The following SDHA variants were observed in gnomAD, a reference collection of about 807,000 sequenced individuals.
The protein encoded by SDHA is succinate dehydrogenase complex flavoprotein subunit A, also known as succinate dehydrogenase [ubiquinone] flavoprotein subunit, mitochondrial.
SDHA carries 48 observed loss-of-function variants against 78.4 expected under a neutral mutation model. The observed-to-expected ratio is 0.61, with a 90% confidence interval of 0.49 to 0.78. The LOEUF (loss-of-function observed/expected upper bound fraction) is 0.78. Among genes scored for constraint, SDHA ranks in the 30% least tolerant of loss-of-function variants. The pLI is 0.00. For missense variants in SDHA, 680 were observed against 892.7 expected (o/e 0.76, Z 3.04); for synonymous variants, 326 against 353.9 (o/e 0.92, Z 0.88).
intron 2 of SDHA, 125 bp downstream of exon 2, chr5:223,693 A>G: frequency 1.4e-6 from 1 of 701,662 alleles, no homozygotes; most frequent in Non-Finnish European, 2.6e-6. Flanking sequence ...TATCCAATGC[A>G]TGCTGAAATT....
chr5:263,585 G>A, the SDHA span, among the ~76,000 whole-genome samples: 2 of 152,200 alleles, frequency 1.3e-5, no homozygotes, highest in Non-Finnish European at 2.9e-5. Context: ...TGGGTAGAGT[G>A]TGTTCATTAT....
intron 1 of SDHA, among the ~76,000 whole-genome samples, chr5:222,729 C>T (rs1734790308): frequency 1.3e-5 from 2 of 152,198 alleles, no homozygotes; most frequent in Admixed American, 6.5e-5. Context: ...CCCTAAATGG[C>T]TGGCCAACCT....
chr5:228,388 A>C (rs753318329), intron 6 of SDHA, 55 bp downstream of exon 6: 1 of 1,521,854 alleles, frequency 6.6e-7, no homozygotes, highest in Non-Finnish European at 9.1e-7. Flanking sequence ...AATTTCATTT[A>C]GAGTTTCTTT....
At chr5:252,818 C>T (rs1373398549) in intron 13 of SDHA, among the ~76,000 whole-genome samples, 3 of 151,642 alleles carry the variant, frequency 2.0e-5, no homozygotes, top group African/African-American at 7.3e-5. Context: ...TCAGACCTGC[C>T]CTGTGGAGGA....
chr5:236,429 T>G lies in SDHA; in HGVS notation c.1262T>G (p.Val421Gly). 1 of 1,613,670 alleles carries G rather than the reference T, an allele frequency of 6.2e-7. No individual in the cohort carries two copies. The highest frequency in any genetic ancestry group is 8.5e-7 in the Non-Finnish European group (1 of 1,179,670). Reference protein sequence around the residue: ...GGIPTNYKGQVLRHVNGQDQI... With the variant: ...GGIPTNYKGQGLRHVNGQDQI... ...CACCTGAAATCTTCCTTTCCACAGG[T>G]CCTGAGGCACGTGAATGGCCAGGAT... The change falls in exon 10 of 15, where the codon GTC becomes GGC. Residue 421 changes from valine (V) to glycine (G), a missense_variant and splice_region_variant. Transcript: ENST00000264932.
chr5:258,208 C>T (rs1340892211), downstream of SDHA, among the ~76,000 whole-genome samples: 80 of 121,862 alleles, frequency 6.6e-4, no homozygotes, highest in Non-Finnish European at 9.2e-4. Flanking sequence ...CCACCCCCTG[C>T]CAGAGCATTA....
the SDHA span, among the ~76,000 whole-genome samples, chr5:264,235 A>G: frequency 6.6e-6 from 1 of 152,268 alleles, no homozygotes; most frequent in Admixed American, 6.5e-5. Flanking sequence ...TTTACATATT[A>G]CCAAACTAAG....
chr5:225,790 A>G (rs886872006), intron 4 of SDHA, 93 bp from the exon 5 acceptor site: 6 of 1,529,022 alleles, frequency 3.9e-6, no homozygotes, highest in Non-Finnish European at 5.4e-6. Context: ...TTGGGTTTGC[A>G]GATTTGTGTT....
Position 225,554 on chromosome 5 carries a change from G to A in SDHA, c.448G>A (p.Val150Met), listed in dbSNP as rs542980860. The change falls in exon 4 of 15, where the codon GTG becomes ATG. Residue 150 changes from valine (V) to methionine (M), a missense_variant. Physicochemically the swap from Val to Met is conservative, Grantham distance 21. Coordinates refer to ENST00000264932, the MANE Select transcript of SDHA (RefSeq NM_004168.4). ...HYMTEQAPAA[V>M]VELENYGMPF... ...CATGACGGAGCAGGCCCCCGCCGCC[G>A]TGGTCGAGGTGATGGGCGGGAGGCT... 23 of 1,613,956 alleles carry A rather than the reference G, an allele frequency of 1.4e-5. No individual in the cohort carries two copies. The South Asian group carries it at 1.4e-4, about 10-fold the overall frequency.
At chr5:225,707 T>G (rs939024363) in intron 4 of SDHA, 145 bp downstream of exon 4, 2 of 1,354,604 alleles carry the variant, frequency 1.5e-6, no homozygotes, top group Non-Finnish European at 2.1e-6. Context: ...TTTTCCGTTA[T>G]GAACTATGCA....
At chr5:223,203 G>A (rs201267029) in intron 1 of SDHA, among the ~76,000 whole-genome samples, 3 of 152,106 alleles carry the variant, frequency 2.0e-5, no homozygotes, top group Non-Finnish European at 2.9e-5. Flanking sequence ...TTTTCATTTC[G>A]TATCTGAGTC....
chr5:252,589 T>C (rs78778061), intron 13 of SDHA, among the ~76,000 whole-genome samples: 13,793 of 96,978 alleles, frequency 0.14, 2,989 homozygotes, highest in African/African-American at 0.46. Context: ...GTCACCGTTT[T>C]AAGCCTGTCC....
intron 1 of SDHA, among the ~76,000 whole-genome samples, chr5:219,685 C>G (rs1052316016): frequency 6.6e-6 from 1 of 152,104 alleles, no homozygotes; most frequent in Non-Finnish European, 1.5e-5. Context: ...AGGGCGTCCA[C>G]AAGCAGGAAG....
chr5:223,288 G>A (rs572654306), intron 1 of SDHA, among the ~76,000 whole-genome samples, 194 bp from the exon 2 acceptor site: 2 of 152,330 alleles, frequency 1.3e-5, no homozygotes, highest in East Asian at 3.9e-4. Context: ...ACGAGGACCT[G>A]GGGGCTCAGT....
chr5:259,378 C>G (rs371929116), downstream of SDHA, among the ~76,000 whole-genome samples: 10 of 43,654 alleles, frequency 2.3e-4, no homozygotes, highest in African/African-American at 5.0e-4. Context: ...CCCCCCGCCA[C>G]AGCATTACCG....
At chr5:237,806 A>AG (rs1205981868) in intron 10 of SDHA, among the ~76,000 whole-genome samples, 1 of 137,308 alleles carries the variant, frequency 7.3e-6, no homozygotes, top group Admixed American at 7.0e-5. Flanking sequence ...TAGTATTAAA[A>AG]GGGTAGCTTA....
chr5:250,761 T>C (rs1403524517), intron 11 of SDHA: 2 of 498,668 alleles, frequency 4.0e-6, no homozygotes, highest in African/African-American at 3.9e-5. Flanking sequence ...AAAGGATGTG[T>C]GTGGGTCTAA....
chr5:242,651 C>G (rs1277501116), intron 11 of SDHA, among the ~76,000 whole-genome samples: 1 of 152,088 alleles, frequency 6.6e-6, no homozygotes, highest in Non-Finnish European at 1.5e-5. Context: ...CTGGTCTCGG[C>G]AAATGGCGCC....
chr5:228,148 T>G, intron 5 of SDHA, 37 bp from the exon 6 acceptor site: 4 of 1,605,390 alleles, frequency 2.5e-6, no homozygotes, highest in Non-Finnish European at 3.4e-6. Flanking sequence ...AAAGTTTGGC[T>G]TAACACTTCT....
Sources: gnomAD v4.1 joint callset for allele counts (sites outside exome capture counted in the v4.1 genomes callset) on GRCh38, gnomAD v4.1.1 for gene constraint, MANE v1.5 for transcripts, NCBI Gene and HGNC (gene_info 2026-07-23, HGNC 2026-07-21) for gene names.